The following ZC3H3 variants were observed in gnomAD, a reference collection of about 807,000 sequenced individuals.
The protein encoded by ZC3H3 is zinc finger CCCH-type containing 3, also known as zinc finger CCCH domain-containing protein 3.
Under a neutral mutation model 77.3 loss-of-function variants are expected in ZC3H3, and 36 were observed. That is an observed-to-expected ratio of 0.47 (90% CI 0.36 to 0.61). ZC3H3 has a LOEUF of 0.61. Ranked by LOEUF, ZC3H3 falls within the 20% of genes least tolerant of loss-of-function variation. ZC3H3 has a pLI of 0.00. For synonymous variants in ZC3H3, 626 were observed against 555.2 expected, an observed-to-expected ratio of 1.13 and a Z score of -1.79; for missense variants, 1,331 against 1,312.2, an observed-to-expected ratio of 1.01 and a Z score of -0.22.
chr8:143,489,713 T>G (rs73715631), intron 4 of ZC3H3, among the ~76,000 whole-genome samples: 2,793 of 152,342 alleles, frequency 0.018, 78 homozygotes, highest in African/African-American at 0.063. Context: ...TATATCTATT[T>G]TCTGGCGTCA....
chr8:143,488,449 G>A (rs562827366), intron 4 of ZC3H3, among the ~76,000 whole-genome samples: 63 of 136,270 alleles, frequency 4.6e-4, no homozygotes, highest in South Asian at 9.7e-4. Flanking sequence ...AACAGCACCC[G>A]CTCCACGACC....
intron 8 of ZC3H3, 149 bp from the exon 9 acceptor site, chr8:143,465,997 G>A: frequency 1.7e-6 from 2 of 1,180,058 alleles, no homozygotes; most frequent in Non-Finnish European, 2.3e-6. Context: ...CGACCTGCGG[G>A]GCAGGGAAGC....
intron 4 of ZC3H3, among the ~76,000 whole-genome samples, chr8:143,485,695 G>A (rs570884531): frequency 5.3e-5 from 8 of 152,368 alleles, no homozygotes; most frequent in South Asian, 4.1e-4. Context: ...TGGAAGAGCA[G>A]GTCCCTCGCT....
At chr8:143,463,636 G>C (rs927253479) in intron 9 of ZC3H3, among the ~76,000 whole-genome samples, 1 of 152,208 alleles carries the variant, frequency 6.6e-6, no homozygotes, top group Non-Finnish European at 1.5e-5. Flanking sequence ...CCAGCAAGAC[G>C]TATCAGCCGG....
rs186238217 is a variant in ZC3H3, at chr8:143,538,729, C to T, written c.638G>A (p.Arg213Gln). 72 of 1,609,638 alleles carry T rather than the reference C, an allele frequency of 4.5e-5. No individual in the cohort carries two copies. The African/African-American group carries it at 5.1e-4, about 11-fold the overall frequency. Residue 213 changes from arginine to glutamine, a missense_variant, in exon 2 of 12, where the codon CGG becomes CAG. Physicochemically the swap from Arg to Gln is conservative, Grantham distance 43. Coordinates refer to ENST00000262577, the MANE Select transcript of ZC3H3 (RefSeq NM_015117.3). ...KSVGSVGDSP[R>Q]EPRRTVSESV... ...CTCACTGACTGTCCGGCGGGGCTCC[C>T]GGGGGCTGTCGCCCACACTGCCCAC...
rs1206439261 is a variant in ZC3H3, at chr8:143,441,218, C to T, written c.2308-98G>A. Reference sequence around the variant, plus strand: ...CCAGGCCAGGCCCCCCGAGTACCCACGGGGCCCCATAGGCTCCGTCCAAGT... The same window carrying T: ...CCAGGCCAGGCCCCCCGAGTACCCATGGGGCCCCATAGGCTCCGTCCAAGT... On this transcript the variant is annotated intron_variant, in intron 9 of 11. Coordinates refer to ENST00000262577, the MANE Select transcript of ZC3H3 (RefSeq NM_015117.3). 4.7e-6 allele frequency: 6 copies of T among 1,276,788 alleles called. No homozygotes were observed. The Admixed American group carries it at 2.1e-4, about 44-fold the overall frequency. 79.1% of individuals were successfully genotyped at this position (1,276,788 alleles called of 1,614,324 possible). A position where few individuals can be genotyped will look rare whatever the true frequency, so the allele number is the denominator to read the frequency against.
intron 9 of ZC3H3, among the ~76,000 whole-genome samples, chr8:143,453,560 GA>G (rs1187204136): frequency 2.6e-5 from 4 of 152,112 alleles, no homozygotes; most frequent in African/African-American, 9.7e-5. Flanking sequence ...GGGAAATCAA[GA>G]CATTCTCTGA....
chr8:143,491,616 T>C (rs968349379), intron 4 of ZC3H3, among the ~76,000 whole-genome samples: 24 of 152,220 alleles, frequency 1.6e-4, no homozygotes, highest in Non-Finnish European at 3.1e-4. Context: ...CCTGGAGCCA[T>C]GCATTGGTCA....
chr8:143,499,510 C>T (rs894323207), intron 4 of ZC3H3, among the ~76,000 whole-genome samples: 5 of 152,220 alleles, frequency 3.3e-5, no homozygotes, highest in African/African-American at 9.7e-5. Flanking sequence ...TCTCCTCCCA[C>T]GAAACCAACA....
chr8:143,465,522 G>A (rs1056292553), intron 9 of ZC3H3, among the ~76,000 whole-genome samples, 195 bp downstream of exon 9: 4 of 152,190 alleles, frequency 2.6e-5, no homozygotes, highest in Admixed American at 1.3e-4. Flanking sequence ...TTCAAACCCC[G>A]CCCTGTGTTG....
intron 9 of ZC3H3, among the ~76,000 whole-genome samples, chr8:143,451,371 AG>A (rs764244564): frequency 1.3e-4 from 20 of 152,332 alleles, no homozygotes; most frequent in Non-Finnish European, 2.6e-4. Context: ...CCCAGAAACA[AG>A]TGAGAAAACG....
chr8:143,531,968 G>A (rs1387854316), intron 3 of ZC3H3, among the ~76,000 whole-genome samples: 1 of 152,258 alleles, frequency 6.6e-6, no homozygotes, highest in African/African-American at 2.4e-5. Flanking sequence ...TGTTGATTGT[G>A]ACGGAATTTC....
intron 9 of ZC3H3, among the ~76,000 whole-genome samples, chr8:143,463,488 C>T (rs769574319): frequency 5.3e-5 from 8 of 152,172 alleles, no homozygotes; most frequent in Non-Finnish European, 8.8e-5. Context: ...GACAAACAGG[C>T]GAGCGGTGAG....
At chr8:143,525,355 C>A (rs147713663) in intron 3 of ZC3H3, among the ~76,000 whole-genome samples, 2 of 152,246 alleles carry the variant, frequency 1.3e-5, no homozygotes, top group Non-Finnish European at 2.9e-5. Flanking sequence ...GGTGCAGGCA[C>A]GGGCGTGGGC....
chr8:143,481,771 C>T (rs942407192), intron 4 of ZC3H3, among the ~76,000 whole-genome samples: 9 of 152,358 alleles, frequency 5.9e-5, no homozygotes, highest in Non-Finnish European at 1.0e-4. Context: ...CCTGCTCCCA[C>T]AGCCAGGCCC....
chr8:143,476,656 C>G (rs984920842), intron 4 of ZC3H3, among the ~76,000 whole-genome samples: 1 of 152,236 alleles, frequency 6.6e-6, no homozygotes. Context: ...GAGGTGGATA[C>G]CACACCCCCA....
rs746824639 is a variant in ZC3H3, at chr8:143,536,375, G to A, written c.1443C>T (p.Ala481=). 5.6e-6 allele frequency: 9 copies of A among 1,594,128 alleles called. No individual in the cohort carries two copies. The Admixed American group carries it at 1.6e-4, about 28-fold the overall frequency. ...KSHLSLRRRQ[A]LRGKSSPVLK... is the part of the protein sequence containing the mutation. ...GGACAGGGCTGCTCTTCCCCCTGAG[G>A]GCCTGTCTCCGCCGGAGGCTGAGGT... Residue 481 remains alanine, a synonymous_variant, in exon 3 of 12, where the codon GCC becomes GCT. Coordinates refer to ENST00000262577, the MANE Select transcript of ZC3H3 (RefSeq NM_015117.3).
intron 3 of ZC3H3, among the ~76,000 whole-genome samples, chr8:143,511,823 G>A (rs752725681): frequency 3.8e-4 from 58 of 152,252 alleles, no homozygotes; most frequent in Non-Finnish European, 6.8e-4. Flanking sequence ...CAGCAAAACT[G>A]TCACTGCTGG....
At chr8:143,502,367 C>T (rs918185787) in intron 4 of ZC3H3, among the ~76,000 whole-genome samples, 1 of 152,268 alleles carries the variant, frequency 6.6e-6, no homozygotes, top group Admixed American at 6.5e-5. Context: ...AGCGCAGCAT[C>T]GCAGTGAGGA....
Sources: gnomAD v4.1 joint callset for allele counts (sites outside exome capture counted in the v4.1 genomes callset) on GRCh38, gnomAD v4.1.1 for gene constraint, MANE v1.5 for transcripts, NCBI Gene and HGNC (gene_info 2026-07-23, HGNC 2026-07-21) for gene names.